The following PCDHGB6 variants were observed in gnomAD, a reference collection of about 807,000 sequenced individuals.
PCDHGB6 encodes the protein protocadherin gamma-B6.
Under a neutral mutation model 59.1 loss-of-function variants are expected in PCDHGB6, and 51 were observed. The ratio of observed to expected loss-of-function variants is 0.86; its 90% CI spans 0.69 to 1.09. The LOEUF is 1.09. Ranked by LOEUF, PCDHGB6 falls within the 50% of genes least tolerant of loss-of-function variation. PCDHGB6 has a pLI of 0.00. For synonymous variants in PCDHGB6, 466 were observed against 495.1 expected, an observed-to-expected ratio of 0.94 and a Z score of 0.78; for missense variants, 1,148 against 1,205.1, an observed-to-expected ratio of 0.95 and a Z score of 0.70.
rs200254467 is a variant in PCDHGB6 at position 141,419,887 on chromosome 5, C to T, written c.2418+9267C>T. 380 of 1,614,050 alleles carry T rather than the reference C, an allele frequency of 2.4e-4. 1 individual carries two copies. The Admixed American group carries it at 2.6e-3, about 11-fold the overall frequency. ...TGCAAGAGGTACTGCCGGATTTCAGCGACCATCCCACACCCTCTGACTCCC... is the reference window on the plus strand; with the variant it reads ...TGCAAGAGGTACTGCCGGATTTCAGTGACCATCCCACACCCTCTGACTCCC... On this transcript the variant is annotated intron_variant, in intron 1 of 3. Transcript: ENST00000520790.
In PCDHGB6 at chr5:141,431,339, T is replaced by A. The variant is rs1374646530; in HGVS notation, c.2418+20719T>A. 7.4e-6 allele frequency: 12 copies of A among 1,613,942 alleles called. No homozygotes were observed. In the Admixed American group the frequency reaches 1.2e-4, roughly 16 times the overall value. ...AGCCGACGGTAGTAAGTACCCCGAA[T>A]TGGTGCTGAAACGCGCCCTGGACCG... On this transcript the variant is annotated intron_variant, in intron 1 of 3. Coordinates refer to ENST00000520790, the MANE Select transcript of PCDHGB6 (RefSeq NM_018926.3). This position sits in a 1 kb window ranked among gnomAD's most constrained non-coding sequence, Gnocchi z 4.8.
At chr5:141,498,971 GGGAAGGAAGGAAGGAAGGAA>G (rs201769957) in intron 2 of PCDHGB6, among the ~76,000 whole-genome samples, 1,566 of 111,048 alleles carry the variant, frequency 0.014, 32 homozygotes, top group African/African-American at 0.048. Flanking sequence ...GAGGGAGGGA[GGGAAGGAAGGAAGGAAGGAA>G]GGAAGGAAGG....
In PCDHGB6 at chr5:141,415,239, T is replaced by G. The variant is rs781763142; in HGVS notation, c.2418+4619T>G. The G allele has an allele frequency of 8.1e-6, 13 of 1,614,068 alleles. No individual in the cohort carries two copies. The South Asian group carries it at 1.3e-4, about 16-fold the overall frequency. The stretch of plus-strand genomic sequence containing the variant: ...GCAGCTTCGAGTCTCCAGCTAACTC[T>G]GAAACCTCAGACCTCACTCTGTACC... On this transcript the variant is annotated intron_variant, in intron 1 of 3. Coordinates refer to ENST00000520790, the MANE Select transcript of PCDHGB6 (RefSeq NM_018926.3).
rs779212749 is a variant in PCDHGB6 at position 141,410,425 on chromosome 5, C to G, written c.2223C>G (p.Pro741=). 1 of 1,614,030 alleles carries G rather than the reference C, an allele frequency of 6.2e-7. No homozygotes were observed. Among genetic ancestry groups the G allele is most frequent in the South Asian group, 1.1e-5 (1 of 91,092 alleles). ...TCAAGTCTGGACCTGTAGTTCCCCC[C>G]AACTACAGTGAGGGGACTTTGCCTT... ...LCVKSGPVVP[P]NYSEGTLPYS... is the part of the protein sequence containing the mutation. Residue 741 remains proline, a synonymous_variant, in exon 1 of 4, where the codon CCC becomes CCG. Transcript: ENST00000520790.
chr5:141,415,521 G>T lies in PCDHGB6; in HGVS notation c.2418+4901G>T, dbSNP rs1357538686. 2.5e-6 allele frequency: 4 copies of T among 1,614,070 alleles called. No individual in the cohort carries two copies. The African/African-American group carries it at 5.3e-5, about 22-fold the overall frequency. Reference sequence around the variant, plus strand: ...TCCCCCAGCCCAATTATGCGGACACGCTCATCAGCCAGGAGAGCTGTGAGA... The same window carrying T: ...TCCCCCAGCCCAATTATGCGGACACTCTCATCAGCCAGGAGAGCTGTGAGA... On this transcript the variant is annotated intron_variant, in intron 1 of 3. Coordinates refer to ENST00000520790, the MANE Select transcript of PCDHGB6 (RefSeq NM_018926.3).
intron 1 of PCDHGB6, among the ~76,000 whole-genome samples, chr5:141,457,067 G>A (rs946526462): frequency 1.3e-5 from 2 of 152,166 alleles, no homozygotes; most frequent in Non-Finnish European, 2.9e-5. Flanking sequence ...CTTTTTGCCA[G>A]TAACTATTAT....
At chr5:141,436,676 G>T (rs1019010328) in intron 1 of PCDHGB6, among the ~76,000 whole-genome samples, 1 of 152,238 alleles carries the variant, frequency 6.6e-6, no homozygotes, top group African/African-American at 2.4e-5. Flanking sequence ...ACCAAAAAAA[G>T]GATTTATATT....
At chr5:141,482,561 T>C (rs1411268228) in intron 1 of PCDHGB6, among the ~76,000 whole-genome samples, 3 of 136,978 alleles carry the variant, frequency 2.2e-5, no homozygotes, top group African/African-American at 8.6e-5. Flanking sequence ...ATAATGGAGA[T>C]CTGCATAGCA....
At chr5:141,459,319 T>G (rs1270005431) in intron 1 of PCDHGB6, among the ~76,000 whole-genome samples, 1 of 152,216 alleles carries the variant, frequency 6.6e-6, no homozygotes, top group Non-Finnish European at 1.5e-5. Context: ...TTTGTATCCA[T>G]CTTCTTTTAC....
chr5:141,428,406 C>T (rs908202809), intron 1 of PCDHGB6: 1 of 473,274 alleles, frequency 2.1e-6, no homozygotes, highest in Non-Finnish European at 3.9e-6. Context: ...CCTGGGGTTG[C>T]TTTCACCCTG....
At chr5:141,417,440 T>C (rs889107076) in intron 1 of PCDHGB6, 1 of 166,232 alleles carries the variant, frequency 6.0e-6, no homozygotes, top group African/African-American at 2.4e-5. Flanking sequence ...TAAAAAGATA[T>C]GATAGTTATG....
intron 1 of PCDHGB6, among the ~76,000 whole-genome samples, chr5:141,460,753 A>ATATACATATTGCATATGTATG (rs1435827019): frequency 4.6e-5 from 7 of 152,094 alleles, no homozygotes; most frequent in Non-Finnish European, 1.0e-4. Flanking sequence ...ATATGTGTAC[A>ATATACATATTGCATATGTATG]TATACATATT....
chr5:141,448,903 C>A (rs1460471063), intron 1 of PCDHGB6, among the ~76,000 whole-genome samples: 2 of 152,112 alleles, frequency 1.3e-5, no homozygotes, highest in Non-Finnish European at 2.9e-5. Context: ...CGAGATCGTG[C>A]CACTGCACTC....
chr5:141,471,047 T>C (rs1270779800), intron 1 of PCDHGB6, among the ~76,000 whole-genome samples: 3 of 63,666 alleles, frequency 4.7e-5, no homozygotes. Flanking sequence ...CCAAGCCCTC[T>C]TTTTTTTTTT....
intron 1 of PCDHGB6, among the ~76,000 whole-genome samples, chr5:141,444,152 ATTTTTTTTTTTT>A (rs747671382): frequency 5.9e-4 from 20 of 33,896 alleles, no homozygotes; most frequent in African/African-American, 1.8e-3. Flanking sequence ...TGTGTACTGG[ATTTTTTTTTTTT>A]TTTTTTTTTT....
In PCDHGB6 at chr5:141,489,203, C is replaced by A; in HGVS notation, c.2419-5604C>A. On this transcript the variant is annotated intron_variant, in intron 1 of 3. Transcript: ENST00000520790. The surrounding 1 kb of genome is among the most constrained non-coding windows in gnomAD (Gnocchi z 4.5). ...CCCTGGGTCTACCTTGGAGACAGGA[C>A]AGCACAGACTTACTCTCCACAAAGG... is the stretch of plus-strand genomic sequence containing the variant. 7.1e-7 allele frequency: 1 copy of A among 1,414,834 alleles called. No individual in the cohort carries two copies. Among genetic ancestry groups the A allele is most frequent in the Non-Finnish European group, 9.6e-7 (1 of 1,040,052 alleles). The allele number at this position is 1,414,834 out of a possible 1,614,324, so 87.6% of individuals were successfully genotyped here.
In PCDHGB6 at chr5:141,477,250, C is replaced by G; in HGVS notation, c.2419-17557C>G. 6.2e-7 allele frequency: 1 copy of G among 1,614,190 alleles called. No homozygotes were observed. The highest frequency in any genetic ancestry group is 8.5e-7 in the Non-Finnish European group (1 of 1,180,040). On this transcript the variant is annotated intron_variant, in intron 1 of 3. Coordinates refer to ENST00000520790, the MANE Select transcript of PCDHGB6 (RefSeq NM_018926.3). The surrounding 1 kb of genome is among the most constrained non-coding windows in gnomAD (Gnocchi z 4.9). ...TCATCGCTTTGCTCAGTGTGACTGA[C>G]CTGGATGCTGGCGAGAACGGGCTGG...
rs754530973 is a variant in PCDHGB6 at position 141,413,859 on chromosome 5, C to T, written c.2418+3239C>T. 11 of 1,613,248 alleles carry T rather than the reference C, an allele frequency of 6.8e-6. No individual in the cohort carries two copies. The Admixed American group carries it at 1.7e-4, about 24-fold the overall frequency. On this transcript the variant is annotated intron_variant, in intron 1 of 3. Transcript: ENST00000520790. ...ACGGGGGTGACCCTCTCCGATCTGG[C>T]ACTGTCCTTGTCAGTGTGACTGTCT...
intron 1 of PCDHGB6, chr5:141,427,959 C>A: frequency 1.3e-6 from 2 of 1,588,886 alleles, no homozygotes; most frequent in Non-Finnish European, 1.7e-6. Flanking sequence ...CAATGTGCCG[C>A]GGGTGCTGTA....
Sources: allele counts gnomAD v4.1 joint callset (sites outside exome capture counted in the v4.1 genomes callset), GRCh38; gene constraint gnomAD v4.1.1; non-coding constraint Gnocchi (gnomAD v3.1); transcripts MANE v1.5; gene names NCBI Gene and HGNC (gene_info 2026-07-23, HGNC 2026-07-21).